Variants in PCSK5 observed in about 807,000 individuals in gnomAD.
PCSK5 encodes proprotein convertase subtilisin/kexin type 5.
A neutral mutation model predicts 233.2 loss-of-function variants in PCSK5; 129 were observed. The ratio of observed to expected loss-of-function variants is 0.55; its 90% CI spans 0.48 to 0.64. The LOEUF is 0.64. PCSK5 is among the 30% of genes least tolerant of loss of function. The pLI is 0.00. For synonymous variants in PCSK5, 825 were observed against 879.2 expected, an observed-to-expected ratio of 0.94 and a Z score of 1.09; for missense variants, 2,076 against 2,430.1, an observed-to-expected ratio of 0.85 and a Z score of 3.06.
At chr9:76,072,481 C>G (rs901032578) in intron 7 of PCSK5, among the ~76,000 whole-genome samples, 1 of 152,214 alleles carries the variant, frequency 6.6e-6, no homozygotes, top group South Asian at 2.1e-4. Context: ...AATTACAGAT[C>G]TTAAGAAACC....
At chr9:76,273,505 T>C (rs1325914997) in intron 24 of PCSK5, among the ~76,000 whole-genome samples, 1 of 150,520 alleles carries the variant, frequency 6.6e-6, no homozygotes, top group Non-Finnish European at 1.5e-5. Flanking sequence ...AGCTGTTTGC[T>C]TTCTTGGTTA....
chr9:76,156,952 T>G lies in PCSK5; in HGVS notation c.1313-93T>G, dbSNP rs1350872616. 3 of 771,580 alleles carry G rather than the reference T, an allele frequency of 3.9e-6. No individual in the cohort carries two copies. The East Asian group carries it at 7.4e-5, about 19-fold the overall frequency. The allele number at this position is 771,580 out of a possible 1,614,324, so 47.8% of individuals were successfully genotyped here. ...ATCATTGCTGGAAAGATAGCTAGGA[T>G]CCCATAGGGTGGTGTCTGGGGTCTC... is the stretch of plus-strand genomic sequence containing the variant. On this transcript the variant is annotated intron_variant, in intron 10 of 37. Transcript: ENST00000674117.
intron 1 of PCSK5, among the ~76,000 whole-genome samples, chr9:75,931,818 G>T (rs538665961): frequency 1.3e-5 from 2 of 152,132 alleles, no homozygotes; most frequent in Admixed American, 1.3e-4. Context: ...TAGATATTGC[G>T]ATTTTACTTT....
intron 10 of PCSK5, among the ~76,000 whole-genome samples, chr9:76,145,092 T>C (rs982056434): frequency 1.4e-4 from 21 of 152,106 alleles, no homozygotes; most frequent in African/African-American, 4.8e-4. Flanking sequence ...GCCGCTGCAC[T>C]CCAGTCTGAG....
At chr9:76,081,768 G>T (rs535755167) in intron 7 of PCSK5, among the ~76,000 whole-genome samples, 14 of 151,876 alleles carry the variant, frequency 9.2e-5, no homozygotes, top group African/African-American at 1.5e-4. Flanking sequence ...CTTGTTGATG[G>T]CTCTCCCATT....
intron 21 of PCSK5, 97 bp downstream of exon 21, chr9:76,227,702 G>A (rs1825942646): frequency 2.6e-6 from 2 of 757,336 alleles, no homozygotes; most frequent in Non-Finnish European, 4.5e-6. Flanking sequence ...TCATGGGCCT[G>A]CAGTGAAAAA....
At chr9:76,127,896 A>C (rs1444269864) in intron 9 of PCSK5, among the ~76,000 whole-genome samples, 1 of 152,184 alleles carries the variant, frequency 6.6e-6, no homozygotes, top group Non-Finnish European at 1.5e-5. Flanking sequence ...AGGTTCAGTA[A>C]ATTGTCCAGT....
intron 10 of PCSK5, among the ~76,000 whole-genome samples, chr9:76,144,657 T>C (rs1823370483): frequency 6.6e-6 from 1 of 152,234 alleles, no homozygotes; most frequent in Non-Finnish European, 1.5e-5. Flanking sequence ...CCCTGTTGCA[T>C]GGAATTCTGT....
chr9:76,039,318 A>T (rs1356356747), intron 5 of PCSK5, among the ~76,000 whole-genome samples: 1 of 152,206 alleles, frequency 6.6e-6, no homozygotes, highest in African/African-American at 2.4e-5. Context: ...TATATCTGTG[A>T]TATCACTTTT....
At chr9:75,913,297 T>A (rs1347476894) in intron 1 of PCSK5, among the ~76,000 whole-genome samples, 4 of 152,226 alleles carry the variant, frequency 2.6e-5, no homozygotes, top group Middle Eastern at 3.2e-3. Flanking sequence ...TTAGCTTATT[T>A]TCAACCCTAT....
At chr9:76,126,181 A>ATGTGTGTGTG (rs71499131) in intron 9 of PCSK5, among the ~76,000 whole-genome samples, 20,542 of 150,398 alleles carry the variant, frequency 0.14, 1,463 homozygotes, top group Non-Finnish European at 0.16. Flanking sequence ...GTGTGTGTGT[A>ATGTGTGTGTG]TGTGTGTGTG....
chr9:76,180,089 A>G (rs62556625), intron 15 of PCSK5, among the ~76,000 whole-genome samples: 24,350 of 108,334 alleles, frequency 0.22, 2,245 homozygotes, highest in East Asian at 0.38. Context: ...GTGTGTGTGT[A>G]TATATATATA....
intron 20 of PCSK5, among the ~76,000 whole-genome samples, chr9:76,202,982 T>C (rs992271589): frequency 4.6e-5 from 7 of 152,106 alleles, no homozygotes; most frequent in Admixed American, 2.6e-4. Context: ...AATAATTAAA[T>C]GAAAAATTGA....
intron 9 of PCSK5, among the ~76,000 whole-genome samples, chr9:76,130,179 A>G (rs1822701264): frequency 6.6e-6 from 1 of 152,154 alleles, no homozygotes; most frequent in Non-Finnish European, 1.5e-5. Flanking sequence ...GGCCTTTGGA[A>G]CCTGCATAAC....
intron 8 of PCSK5, among the ~76,000 whole-genome samples, chr9:76,097,415 G>A (rs1467527527): frequency 3.5e-5 from 5 of 144,018 alleles, no homozygotes; most frequent in African/African-American, 1.1e-4. Context: ...GCCCGCCACC[G>A]CGCCCGGCTA....
At chr9:75,907,266 A>G (rs1161873592) in intron 1 of PCSK5, among the ~76,000 whole-genome samples, 1 of 152,048 alleles carries the variant, frequency 6.6e-6, no homozygotes, top group Non-Finnish European at 1.5e-5. Flanking sequence ...GTGTATACTT[A>G]GTCATTAAAT....
intron 20 of PCSK5, chr9:76,194,555 A>G (rs908755849): frequency 1.3e-5 from 3 of 226,098 alleles, no homozygotes; most frequent in Non-Finnish European, 2.7e-5. Flanking sequence ...ACTATGCCAT[A>G]CTATTATATG....
rs1355192077 is a variant in PCSK5, at chr9:76,259,485, A to ACG, written c.3142+18802_3142+18803insGC. On this transcript the variant is annotated intron_variant, in intron 24 of 37. Transcript: ENST00000674117. ...CACACACACACACACACACACACACACACTCACTTCAGTCATCCTACTTTA... is the reference window on the plus strand; with the variant it reads ...CACACACACACACACACACACACACACGCACTCACTTCAGTCATCCTACTTTA... 3.9e-3 allele frequency among the ~76,000 whole-genome samples: 566 copies of ACG among 145,718 alleles called. 4 individuals are homozygous for ACG. The highest frequency in any genetic ancestry group is 0.013 in the African/African-American group (518 of 39,172).
Position 76,042,989 on chromosome 9 carries a change from A to G in PCSK5, c.632+15952A>G, listed in dbSNP as rs558195116. Among the ~76,000 whole-genome samples the G allele has an allele frequency of 1.5e-4, 23 of 152,272 alleles. No homozygotes were observed. The East Asian group carries it at 4.1e-3, about 27-fold the overall frequency. On this transcript the variant is annotated intron_variant, in intron 5 of 37. Transcript: ENST00000674117. ...GAGTTTGAGGTTTTAATCCCAACCA[A>G]TCTGCCAAGATTTTCCATTGCTAAA...
Sources: allele counts gnomAD v4.1 joint callset (sites outside exome capture counted in the v4.1 genomes callset), GRCh38; gene constraint gnomAD v4.1.1; transcripts MANE v1.5; gene names NCBI Gene and HGNC (gene_info 2026-07-23, HGNC 2026-07-21).